The following FRMD5 variants were observed in gnomAD, a reference collection of about 807,000 sequenced individuals.
The protein encoded by FRMD5 is FERM domain containing 5.
In FRMD5, 20 loss-of-function variants were observed where a neutral mutation model predicts 69.0. The ratio of observed to expected loss-of-function variants is 0.29; its 90% CI spans 0.20 to 0.42. The LOEUF (loss-of-function observed/expected upper bound fraction) is 0.42, where lower values mean the gene tolerates loss of function less well. FRMD5 is among the 10% of genes least tolerant of loss of function. The pLI is 1.00. For missense variants in FRMD5, 595 were observed against 708.6 expected (o/e 0.84, Z 1.82); for synonymous variants, 271 against 260.1 (o/e 1.04, Z -0.40).
chr15:44,149,658 G>C (rs1022440912), intron 1 of FRMD5, among the ~76,000 whole-genome samples: 5 of 152,000 alleles, frequency 3.3e-5, no homozygotes, highest in Non-Finnish European at 5.9e-5. Context: ...GTTAACAAGA[G>C]ACAAAGGACA....
intron 6 of FRMD5, among the ~76,000 whole-genome samples, chr15:43,904,975 G>A (rs1188994173): frequency 1.3e-5 from 2 of 151,984 alleles, no homozygotes; most frequent in African/African-American, 4.8e-5. Context: ...TGAGTCAGGC[G>A]GGGCTGAGGA....
intron 1 of FRMD5, among the ~76,000 whole-genome samples, chr15:44,185,516 G>A (rs2078084131): frequency 6.6e-6 from 1 of 152,148 alleles, no homozygotes; most frequent in African/African-American, 2.4e-5. Flanking sequence ...GCAAGGCCAG[G>A]CATGGTGGCT....
rs1408869984 is a variant in FRMD5, at chr15:43,999,942, TATATGCCATGC to T, written c.103-75644_103-75634del. Reference sequence around the variant, plus strand: ...GTGTATGTATATATATATATATATATATATGCCATGCATATATATATATATATATATATATA... The same window carrying T: ...GTGTATGTATATATATATATATATATATATATATATATATATATATATATA... On this transcript the variant is annotated intron_variant, in intron 1 of 13. Coordinates refer to ENST00000417257, the MANE Select transcript of FRMD5 (RefSeq NM_032892.5). Among the ~76,000 whole-genome samples the T allele has an allele frequency of 1.4e-4, 18 of 129,214 alleles. No homozygotes were observed. In the East Asian group the frequency reaches 2.0e-3, roughly 15 times the overall value. 84.8% of individuals were successfully genotyped at this position (129,214 alleles called of 152,430 possible).
chr15:44,050,649 C>A (rs570639967), intron 1 of FRMD5, among the ~76,000 whole-genome samples: 1 of 95,768 alleles, frequency 1.0e-5, no homozygotes, highest in Non-Finnish European at 2.3e-5. Context: ...GTGTGAGGCA[C>A]ACTGGCCTTT....
intron 1 of FRMD5, among the ~76,000 whole-genome samples, chr15:44,159,903 G>C (rs545409843): frequency 7.2e-5 from 11 of 152,274 alleles, no homozygotes; most frequent in African/African-American, 1.9e-4. Context: ...ACAGGCTCAG[G>C]GGGTAGCTTC....
At position 44,022,419 on chromosome 15, in the gene FRMD5, C is replaced by T. The variant is rs191090169; in HGVS notation, c.103-98110G>A. On this transcript the variant is annotated intron_variant, in intron 1 of 13. Transcript: ENST00000417257. ...ATCTCTACTAAAAAAAAAAAACATA[C>T]GAAAATTAGTTGGGCGTGGTGGCAT... Among the ~76,000 whole-genome samples the T allele has an allele frequency of 1.9e-3, 281 of 149,692 alleles. 2 individuals carry two copies. The highest frequency in any genetic ancestry group is 6.6e-3 in the African/African-American group (268 of 40,826).
chr15:44,053,659 G>A (rs1218413716), intron 1 of FRMD5, among the ~76,000 whole-genome samples: 2 of 152,130 alleles, frequency 1.3e-5, no homozygotes, highest in African/African-American at 4.8e-5. Flanking sequence ...TCAGATGGAC[G>A]ATGGATGATG....
Position 43,884,750 on chromosome 15 carries a change from T to A in FRMD5, c.1005A>T (p.Lys335Asn). Residue 335 changes from lysine (K) to asparagine (N), a missense_variant, in exon 12 of 14, where the codon AAA becomes AAT. Lys to Asn is a moderately conservative substitution (Grantham distance 94). Coordinates refer to ENST00000417257, the MANE Select transcript of FRMD5 (RefSeq NM_032892.5). ...ACCTGTGTATTTCCGGTGGCTCCCG[T>A]TTGATCTTAGCACTTGATTCCATGA... ...KEVMESSAKI[K>N]REPPEIHRAG... The A allele has an allele frequency of 5.6e-6, 9 of 1,614,118 alleles. No homozygotes were observed. The highest frequency in any genetic ancestry group is 7.6e-6 in the Non-Finnish European group (9 of 1,179,982).
intron 1 of FRMD5, among the ~76,000 whole-genome samples, chr15:44,166,878 TA>T (rs2077719047): frequency 6.6e-6 from 1 of 152,132 alleles, no homozygotes; most frequent in African/African-American, 2.4e-5. Flanking sequence ...GAATACTGCT[TA>T]TTAAGGTCTA....
intron 1 of FRMD5, among the ~76,000 whole-genome samples, chr15:44,131,634 T>C (rs1030051552): frequency 6.6e-6 from 1 of 152,206 alleles, no homozygotes; most frequent in African/African-American, 2.4e-5. Flanking sequence ...TTCTGACGTA[T>C]GCTCTAATAT....
At chr15:43,919,696 G>T in intron 3 of FRMD5, 71 bp downstream of exon 3, 1 of 1,508,474 alleles carries the variant, frequency 6.6e-7, no homozygotes, top group Non-Finnish European at 9.2e-7. Context: ...ATCAAAACTT[G>T]AGATAAGTGG....
intron 4 of FRMD5, 146 bp from the exon 5 acceptor site, chr15:43,910,125 C>T (rs1168328771): frequency 5.7e-6 from 3 of 527,446 alleles, no homozygotes. Flanking sequence ...AGAACAAATA[C>T]ATTCTCCATT....
intron 1 of FRMD5, among the ~76,000 whole-genome samples, chr15:44,034,877 C>G (rs536845114): frequency 2.9e-4 from 44 of 152,232 alleles, no homozygotes; most frequent in Middle Eastern, 3.4e-3. Flanking sequence ...ACTATTTTCC[C>G]TCTACCCAGG....
intron 1 of FRMD5, among the ~76,000 whole-genome samples, chr15:44,121,670 A>G (rs1352862181): frequency 3.9e-5 from 6 of 152,004 alleles, no homozygotes; most frequent in African/African-American, 1.4e-4. Context: ...AACAAAAACA[A>G]AAACAAAAAA....
chr15:44,000,648 C>T lies in FRMD5; in HGVS notation c.103-76339G>A, dbSNP rs538299822. Among the ~76,000 whole-genome samples the T allele has an allele frequency of 3.3e-5, 5 of 152,076 alleles. No homozygotes were observed. The East Asian group carries it at 5.8e-4, about 18-fold the overall frequency. ...CTAATTTTTGTATTTTTAGTAGAGA[C>T]GGGGTTTTGCCATGTTGGCCAAGCT... On this transcript the variant is annotated intron_variant, in intron 1 of 13. Transcript: ENST00000417257.
intron 1 of FRMD5, among the ~76,000 whole-genome samples, chr15:44,053,681 T>C (rs1284864885): frequency 6.6e-6 from 1 of 152,110 alleles, no homozygotes; most frequent in East Asian, 1.9e-4. Flanking sequence ...CATTCATTAA[T>C]AAAGAAAACA....
intron 1 of FRMD5, among the ~76,000 whole-genome samples, chr15:44,138,888 T>G (rs1017892536): frequency 1.2e-4 from 18 of 152,250 alleles, no homozygotes; most frequent in Middle Eastern, 3.4e-3. Flanking sequence ...ATGTTCAGAA[T>G]AGACAAATCT....
chr15:44,053,851 A>G (rs1333423033), intron 1 of FRMD5, among the ~76,000 whole-genome samples: 1 of 152,226 alleles, frequency 6.6e-6, no homozygotes, highest in African/African-American at 2.4e-5. Flanking sequence ...TGGTAACTGA[A>G]GCTGTAAGCA....
At chr15:43,925,423 AT>A (rs1364876874) in intron 1 of FRMD5, among the ~76,000 whole-genome samples, 2 of 152,196 alleles carry the variant, frequency 1.3e-5, no homozygotes, top group Non-Finnish European at 2.9e-5. Context: ...CACTTAGGGT[AT>A]CCTGCAAATC....
Sources: allele counts gnomAD v4.1 joint callset (sites outside exome capture counted in the v4.1 genomes callset), GRCh38; gene constraint gnomAD v4.1.1; transcripts MANE v1.5; gene names NCBI Gene and HGNC (gene_info 2026-07-23, HGNC 2026-07-21).